Variants in TBL1XR1 observed in about 807,000 individuals in gnomAD.
TBL1XR1 encodes the protein F-box-like/WD repeat-containing protein TBL1XR1.
TBL1XR1 carries 5 observed loss-of-function variants against 66.9 expected under a neutral mutation model. That is an observed-to-expected ratio of 0.07 (90% CI 0.04 to 0.16). The LOEUF (loss-of-function observed/expected upper bound fraction) is 0.16, where lower values mean the gene tolerates loss of function less well. Ranked by LOEUF, TBL1XR1 falls within the 10% of genes least tolerant of loss-of-function variation. The pLI is 1.00. For missense variants in TBL1XR1, 238 were observed against 623.2 expected (o/e 0.38, Z 6.58); for synonymous variants, 210 against 206.0 (o/e 1.02, Z -0.17).
intron 1 of TBL1XR1, among the ~76,000 whole-genome samples, chr3:177,140,671 C>T (rs1729529364): frequency 6.6e-6 from 1 of 152,142 alleles, no homozygotes; most frequent in Non-Finnish European, 1.5e-5. Context: ...CAACAGTATA[C>T]CCTTGTCACT....
rs1712359567 is a variant in TBL1XR1 at position 177,021,535 on chromosome 3, T to C, written c.*3963A>G. 1 of 152,578 alleles carries C rather than the reference T, an allele frequency of 6.6e-6. No homozygotes were observed. Among genetic ancestry groups the C allele is most frequent in the South Asian group, 2.1e-4 (1 of 4,836 alleles). The allele number at this position is 152,578 out of a possible 1,614,324, so 9.5% of individuals were successfully genotyped here. A position where few individuals can be genotyped will look rare whatever the true frequency, so the allele number is the denominator to read the frequency against. On this transcript the variant is annotated 3_prime_UTR_variant, in exon 16 of 16. Coordinates refer to ENST00000457928, the MANE Select transcript of TBL1XR1 (RefSeq NM_024665.7). ...TGAACACTTCCTCTTTCTTCTCTCT[T>C]CTACATTTAACTAGAATCATGTTTA...
rs544818049 is a variant in TBL1XR1, at chr3:177,026,463, T to C, written c.1428A>G (p.Leu476=). The part of the protein sequence containing the change: ...VHIWNTQTGA[L]VHSYRGTGGI... The stretch of plus-strand genomic sequence containing the variant: ...CACCTGTTCCCCTATAGCTGTGAAC[T>C]AGAGCACCTGTCTAAAAGAATGAAA... The change falls in exon 15 of 16, where the codon CTA becomes CTG. Residue 476 remains leucine (L), a synonymous_variant. Coordinates refer to ENST00000457928, the MANE Select transcript of TBL1XR1 (RefSeq NM_024665.7). 2.5e-4 allele frequency: 404 copies of C among 1,600,262 alleles called. 11 individuals are homozygous for C. The South Asian group carries it at 4.5e-3, about 18-fold the overall frequency.
At chr3:177,168,385 G>A (rs967954843) in intron 1 of TBL1XR1, among the ~76,000 whole-genome samples, 4 of 151,622 alleles carry the variant, frequency 2.6e-5, no homozygotes, top group African/African-American at 9.7e-5. Context: ...GCATTCAAGC[G>A]ATTCTCCTGC....
At chr3:177,099,170 C>A (rs1378811957) in intron 1 of TBL1XR1, among the ~76,000 whole-genome samples, 1 of 152,122 alleles carries the variant, frequency 6.6e-6, no homozygotes, top group African/African-American at 2.4e-5. Flanking sequence ...AATTCGAGAT[C>A]AGCCTGGCCA....
intron 1 of TBL1XR1, among the ~76,000 whole-genome samples, chr3:177,123,116 C>A (rs1488248256): frequency 6.6e-6 from 1 of 152,074 alleles, no homozygotes. Context: ...AACCTGTGAA[C>A]AGCAGCAATC....
intron 2 of TBL1XR1, among the ~76,000 whole-genome samples, chr3:177,083,082 T>TA (rs1406139550): frequency 6.6e-6 from 1 of 152,070 alleles, no homozygotes; most frequent in Non-Finnish European, 1.5e-5. Flanking sequence ...ATAAAAATCA[T>TA]ACAGCATTTT....
chr3:177,197,711 G>A (rs531174875), upstream of TBL1XR1, among the ~76,000 whole-genome samples: 3 of 145,168 alleles, frequency 2.1e-5, no homozygotes, highest in African/African-American at 4.9e-5. Context: ...GCGGCGCGGC[G>A]GGGGGGCTCC....
intron 1 of TBL1XR1, among the ~76,000 whole-genome samples, chr3:177,104,959 T>G (rs1012949697): frequency 6.6e-6 from 1 of 152,180 alleles, no homozygotes. Context: ...ACAGAGTTCT[T>G]AAAATTAAAG....
intron 14 of TBL1XR1, among the ~76,000 whole-genome samples, chr3:177,031,078 C>G (rs1458504808): frequency 2.0e-5 from 3 of 152,158 alleles, no homozygotes; most frequent in Non-Finnish European, 4.4e-5. Context: ...TGCCATCGCA[C>G]TCCAGCCTGG....
Position 177,020,127 on chromosome 3 carries a change from T to C in TBL1XR1, c.*5371A>G, listed in dbSNP as rs1301430982. On this transcript the variant is annotated 3_prime_UTR_variant, in exon 16 of 16. Coordinates refer to ENST00000457928, the MANE Select transcript of TBL1XR1 (RefSeq NM_024665.7). Reference sequence around the variant, plus strand: ...AGTAACAACTAGCTAAGAGAGAAAATGATTCAACTATAATTGGCTTGTTGT... The same window carrying C: ...AGTAACAACTAGCTAAGAGAGAAAACGATTCAACTATAATTGGCTTGTTGT... 3 of 151,958 alleles carry C rather than the reference T, an allele frequency of 2.0e-5. No individual in the cohort carries two copies. The highest frequency in any genetic ancestry group is 4.4e-5 in the Non-Finnish European group (3 of 67,980). The allele number at this position is 151,958 out of a possible 1,614,324, so 9.4% of individuals were successfully genotyped here. A position where few individuals can be genotyped will look rare whatever the true frequency, so the allele number is the denominator to read the frequency against.
At chr3:177,086,344 T>C (rs1358777044) in intron 2 of TBL1XR1, among the ~76,000 whole-genome samples, 2 of 152,062 alleles carry the variant, frequency 1.3e-5, no homozygotes, top group Non-Finnish European at 2.9e-5. Flanking sequence ...ACTAGTCTTA[T>C]GTCCAAGTGT....
chr3:177,190,458 G>A (rs1024297679), intron 1 of TBL1XR1, among the ~76,000 whole-genome samples: 2 of 152,134 alleles, frequency 1.3e-5, no homozygotes, highest in African/African-American at 4.8e-5. Flanking sequence ...TAGGATTATA[G>A]GCGTGTGCCA....
At chr3:177,135,339 A>G (rs370554143) in intron 1 of TBL1XR1, among the ~76,000 whole-genome samples, 7,409 of 23,906 alleles carry the variant, frequency 0.31, 647 homozygotes, top group Admixed American at 0.43. Flanking sequence ...GTGTGTATAC[A>G]TATATATATA....
chr3:177,046,881 A>T (rs1716399454), intron 9 of TBL1XR1, among the ~76,000 whole-genome samples: 1 of 152,182 alleles, frequency 6.6e-6, no homozygotes, highest in African/African-American at 2.4e-5. Flanking sequence ...TATATTCACC[A>T]GCCGACTTAG....
chr3:177,047,149 G>A, intron 9 of TBL1XR1, 151 bp downstream of exon 9: 2 of 607,168 alleles, frequency 3.3e-6, no homozygotes, highest in East Asian at 5.6e-5. Flanking sequence ...ATTCAGAAAT[G>A]AGCTGATAGA....
intron 1 of TBL1XR1, among the ~76,000 whole-genome samples, chr3:177,103,264 G>C (rs1248659172): frequency 6.6e-6 from 1 of 152,080 alleles, no homozygotes. Context: ...AACTCAAGAA[G>C]TACATGATCA....
At chr3:177,073,404 AAAC>A (rs1214074948) in intron 2 of TBL1XR1, among the ~76,000 whole-genome samples, 1 of 152,234 alleles carries the variant, frequency 6.6e-6, no homozygotes, top group African/African-American at 2.4e-5. Context: ...TATACTTAAT[AAAC>A]AAAAAAGGTA....
chr3:177,100,861 G>GT (rs1313182694), intron 1 of TBL1XR1, among the ~76,000 whole-genome samples: 12,628 of 130,792 alleles, frequency 0.097, 642 homozygotes, highest in African/African-American at 0.13. Flanking sequence ...TTTTTCTTTG[G>GT]TTTTTTTTTT....
At chr3:177,096,384 A>G (rs1723491900) in intron 2 of TBL1XR1, among the ~76,000 whole-genome samples, 1 of 149,716 alleles carries the variant, frequency 6.7e-6, no homozygotes, top group Non-Finnish European at 1.5e-5. Flanking sequence ...CATTAAAATG[A>G]TTTCAGAGAT....
Sources: gnomAD v4.1 joint callset for allele counts (sites outside exome capture counted in the v4.1 genomes callset) on GRCh38, gnomAD v4.1.1 for gene constraint, MANE v1.5 for transcripts, NCBI Gene and HGNC (gene_info 2026-07-23, HGNC 2026-07-21) for gene names.